VRK2: variants seen among roughly 807,000 people sequenced by gnomAD.
The protein encoded by VRK2 is serine/threonine-protein kinase VRK2.
In VRK2, 60 loss-of-function variants were observed where a neutral mutation model predicts 57.6. The observed-to-expected ratio is 1.04, with a 90% CI of 0.85 to 1.29. The LOEUF is 1.29. Ranked by LOEUF, VRK2 falls within the 50% of genes most tolerant of loss-of-function variation. VRK2 has a pLI of 0.00. For synonymous variants in VRK2, 231 were observed against 199.2 expected (o/e 1.16, Z -1.35); for missense variants, 705 against 588.1 (o/e 1.20, Z -2.06).
chr2:58,125,744 A>G (rs903018096), intron 8 of VRK2, among the ~76,000 whole-genome samples: 1 of 152,228 alleles, frequency 6.6e-6, no homozygotes, highest in African/African-American at 2.4e-5. Context: ...CATTACATAT[A>G]TATGCACATA....
intron 1 of VRK2, among the ~76,000 whole-genome samples, chr2:58,025,324 T>C (rs1311664892): frequency 1.3e-5 from 2 of 152,118 alleles, no homozygotes; most frequent in South Asian, 4.1e-4. Flanking sequence ...GGGCCTGCCA[T>C]ATACTGATAG....
chr2:58,049,061 A>G (rs1381452213), intron 2 of VRK2, 94 bp downstream of exon 2: 10 of 1,418,976 alleles, frequency 7.0e-6, no homozygotes, highest in Middle Eastern at 1.9e-4. Context: ...TATGGAATTC[A>G]TATGTGTACT....
At chr2:58,107,780 A>T (rs1288403827) in intron 7 of VRK2, among the ~76,000 whole-genome samples, 2 of 152,184 alleles carry the variant, frequency 1.3e-5, no homozygotes, top group Non-Finnish European at 2.9e-5. Flanking sequence ...GGACAGTGAC[A>T]TTTGTTCACA....
chr2:58,077,500 A>G (rs1670281270), intron 2 of VRK2, among the ~76,000 whole-genome samples: 1 of 151,666 alleles, frequency 6.6e-6, no homozygotes, highest in African/African-American at 2.4e-5. Context: ...AAGAACCTAT[A>G]CCTCTAAGCG....
chr2:58,015,283 G>A (rs762886782), intron 1 of VRK2, among the ~76,000 whole-genome samples: 8 of 151,966 alleles, frequency 5.3e-5, no homozygotes, highest in Non-Finnish European at 8.8e-5. Context: ...AAATTATTCC[G>A]CTTTTTAAAT....
intron 1 of VRK2, among the ~76,000 whole-genome samples, chr2:57,996,029 C>A (rs548629136): frequency 1.3e-5 from 2 of 152,124 alleles, no homozygotes; most frequent in African/African-American, 4.8e-5. Flanking sequence ...AAAAACAATA[C>A]AGTGCAACAA....
chr2:58,084,943 A>G lies in VRK2; in HGVS notation c.249A>G (p.Lys83=). 6.3e-7 allele frequency: 1 copy of G among 1,585,602 alleles called. No homozygotes were observed. The highest frequency in any genetic ancestry group is 8.6e-7 in the Non-Finnish European group (1 of 1,166,018). Residue 83 remains lysine, a synonymous_variant, in exon 4 of 13, where the codon AAA becomes AAG. Transcript: ENST00000340157. ...ELKFYQRVAK[K]DCIKKWIERK... ...AATTTTATCAGAGAGTTGCAAAAAA[A>G]GACTGTAGTAAGTAAAATTAGCAAA...
chr2:58,095,293 CAAA>C (rs1231159019), intron 7 of VRK2, among the ~76,000 whole-genome samples: 1 of 66,608 alleles, frequency 1.5e-5, no homozygotes, highest in Non-Finnish European at 3.1e-5. Flanking sequence ...GACTCCGTCT[CAAA>C]AAAAAAAAAA....
At chr2:57,981,766 G>C (rs1413317692) in intron 1 of VRK2, among the ~76,000 whole-genome samples, 1 of 152,120 alleles carries the variant, frequency 6.6e-6, no homozygotes, top group Non-Finnish European at 1.5e-5. Context: ...TTTTCAAAAT[G>C]GCTATGTAAT....
At chr2:58,062,819 G>A (rs1191141147) in intron 2 of VRK2, among the ~76,000 whole-genome samples, 2 of 152,124 alleles carry the variant, frequency 1.3e-5, no homozygotes, top group South Asian at 2.1e-4. Context: ...AAGTGCTGAT[G>A]TAGAAGCTGC....
At chr2:57,975,708 T>C (rs996288126) in intron 1 of VRK2, among the ~76,000 whole-genome samples, 13 of 151,932 alleles carry the variant, frequency 8.6e-5, no homozygotes, top group Non-Finnish European at 1.6e-4. Flanking sequence ...ATTCTAAGAT[T>C]TGGCTCCTAC....
intron 1 of VRK2, among the ~76,000 whole-genome samples, chr2:58,010,707 G>C (rs1300609131): frequency 6.6e-6 from 1 of 152,118 alleles, no homozygotes; most frequent in Admixed American, 6.6e-5. Context: ...AATCCTTTCA[G>C]AGTCTGACAA....
intron 3 of VRK2, among the ~76,000 whole-genome samples, chr2:58,037,259 G>C (rs10164499): frequency 7.9e-5 from 12 of 151,792 alleles, no homozygotes; most frequent in Non-Finnish European, 2.9e-5. Context: ...AAATGTACAC[G>C]GTCGCAGGTG....
chr2:58,002,969 T>A (rs1022156691), intron 1 of VRK2, among the ~76,000 whole-genome samples: 10 of 152,222 alleles, frequency 6.6e-5, no homozygotes, highest in African/African-American at 2.4e-4. Context: ...GCCACTTATA[T>A]ACAATAGTGT....
chr2:58,115,315 G>A (rs1248190128), intron 7 of VRK2, among the ~76,000 whole-genome samples: 4 of 152,120 alleles, frequency 2.6e-5, no homozygotes, highest in East Asian at 1.9e-4. Flanking sequence ...ATTGAAGTCC[G>A]GGCCAGAAAC....
At chr2:58,016,034 T>C (rs1274993809) in intron 1 of VRK2, among the ~76,000 whole-genome samples, 1 of 152,136 alleles carries the variant, frequency 6.6e-6, no homozygotes, top group African/African-American at 2.4e-5. Context: ...CTCTATCTCC[T>C]CCTTTTTCTT....
At position 58,137,224 on chromosome 2, in the gene VRK2, C is replaced by CTCAT. The variant is rs1553422542; in HGVS notation, c.856+2025_856+2026insTCAT. On this transcript the variant is annotated intron_variant, in intron 10 of 12. Transcript: ENST00000340157. Reference sequence around the variant, plus strand: ...TATCTCATATATGATACATATATATCATATGATACATATATATCATATATA... The same window carrying CTCAT: ...TATCTCATATATGATACATATATATCTCATATATGATACATATATATCATATATA... Among the ~76,000 whole-genome samples the CTCAT allele has an allele frequency of 6.7e-3, 435 of 64,958 alleles. 14 individuals are homozygous for CTCAT. The highest frequency in any genetic ancestry group is 0.012 in the Middle Eastern group (1 of 84). The allele number at this position is 64,958 out of a possible 152,430, so 42.6% of individuals were successfully genotyped here.
At chr2:58,092,941 C>A (rs820606) in intron 7 of VRK2, among the ~76,000 whole-genome samples, 20 of 152,046 alleles carry the variant, frequency 1.3e-4, no homozygotes, top group Non-Finnish European at 2.2e-4. Context: ...GCGATAGTTT[C>A]CTGAGAATGA....
At chr2:57,971,409 A>G (rs928077643) in intron 1 of VRK2, among the ~76,000 whole-genome samples, 15 of 151,990 alleles carry the variant, frequency 9.9e-5, no homozygotes, top group African/African-American at 3.6e-4. Context: ...AAACAGTTTA[A>G]GTACAGTAAG....
Sources: allele counts gnomAD v4.1 joint callset (sites outside exome capture counted in the v4.1 genomes callset), GRCh38; gene constraint gnomAD v4.1.1; transcripts MANE v1.5; gene names NCBI Gene and HGNC (gene_info 2026-07-23, HGNC 2026-07-21).